CNTNAP2: variants seen among roughly 807,000 people sequenced by gnomAD.
CNTNAP2 encodes the protein contactin associated protein 2.
A neutral mutation model predicts 155.2 loss-of-function variants in CNTNAP2; 98 were observed. That is an observed-to-expected ratio of 0.63 (90% CI 0.54 to 0.75). The LOEUF (loss-of-function observed/expected upper bound fraction) is 0.75, where lower values mean the gene tolerates loss of function less well. CNTNAP2 is among the 30% of genes least tolerant of loss of function. The pLI is 0.00. For missense variants in CNTNAP2, 1,727 were observed against 1,688.1 expected (o/e 1.02, Z -0.40); for synonymous variants, 651 against 631.2 (o/e 1.03, Z -0.47).
At chr7:148,147,394 T>C in intron 16 of CNTNAP2, 97 bp from the exon 17 acceptor site, 1 of 1,208,380 alleles carries the variant, frequency 8.3e-7, no homozygotes. Context: ...GCTTAGATGA[T>C]TTTTCCTCTC....
At chr7:147,015,807 C>T (rs375537461) in intron 3 of CNTNAP2, among the ~76,000 whole-genome samples, 9 of 152,150 alleles carry the variant, frequency 5.9e-5, no homozygotes, top group African/African-American at 1.9e-4. Context: ...CACCATCAAA[C>T]TTATATTCTA....
At chr7:147,399,824 A>G (rs1409281458) in intron 10 of CNTNAP2, among the ~76,000 whole-genome samples, 1 of 152,112 alleles carries the variant, frequency 6.6e-6, no homozygotes, top group Non-Finnish European at 1.5e-5. Flanking sequence ...GCAATCATAG[A>G]ACTGGAAGGG....
chr7:146,474,249 T>A (rs181498106), intron 1 of CNTNAP2, among the ~76,000 whole-genome samples: 2 of 149,944 alleles, frequency 1.3e-5, no homozygotes, highest in African/African-American at 4.9e-5. Context: ...CCAAATAAAC[T>A]ATTTGTTTCT....
intron 8 of CNTNAP2, among the ~76,000 whole-genome samples, chr7:147,182,405 T>G (rs554218067): frequency 6.6e-6 from 1 of 152,258 alleles, no homozygotes; most frequent in East Asian, 1.9e-4. Context: ...TTACATTACC[T>G]AAAAATAAGA....
At chr7:146,616,235 A>T (rs1315937450) in intron 1 of CNTNAP2, among the ~76,000 whole-genome samples, 1 of 152,190 alleles carries the variant, frequency 6.6e-6, no homozygotes. Flanking sequence ...AAATGTGAGC[A>T]AAGCAAAGGA....
At position 147,410,836 on chromosome 7, in the gene CNTNAP2, A is replaced by AT. The variant is rs573145237; in HGVS notation, c.1670+15060dup. 2.3e-3 allele frequency among the ~76,000 whole-genome samples: 354 copies of AT among 152,320 alleles called. 5 individuals are homozygous for AT. The highest frequency in any genetic ancestry group is 7.7e-3 in the African/African-American group (320 of 41,568). ...TTAATATTATTGTCACCTCCATAAG[A>AT]TTTTAAGCTACATATGGCATGTGGC... On this transcript the variant is annotated intron_variant, in intron 10 of 23. Transcript: ENST00000361727.
At chr7:147,918,808 A>T (rs2116776078) in intron 14 of CNTNAP2, among the ~76,000 whole-genome samples, 1 of 152,298 alleles carries the variant, frequency 6.6e-6, no homozygotes, top group Admixed American at 6.5e-5. Flanking sequence ...AGCCCTGGGA[A>T]TGGTGTGTCT....
intron 5 of CNTNAP2, among the ~76,000 whole-genome samples, chr7:147,114,291 C>G (rs1395298742): frequency 6.6e-6 from 1 of 151,972 alleles, no homozygotes; most frequent in East Asian, 1.9e-4. Flanking sequence ...ATTCTGTTGT[C>G]TTGGGATGGA....
intron 12 of CNTNAP2, among the ~76,000 whole-genome samples, chr7:147,631,734 G>T (rs772064991): frequency 2.0e-5 from 3 of 152,086 alleles, no homozygotes; most frequent in Non-Finnish European, 4.4e-5. Flanking sequence ...GTGGGGAAAG[G>T]ATACCCTATT....
rs117511465 is a variant in CNTNAP2, at chr7:146,942,025, T to C, written c.403-101882T>C. The stretch of plus-strand genomic sequence containing the variant: ...GAACTTTGACCTTCCTGTACCTGGA[T>C]ATTTTTATCTTTTCCTGAGTTTGGA... On this transcript the variant is annotated intron_variant, in intron 3 of 23. Transcript: ENST00000361727. 1.2e-4 allele frequency among the ~76,000 whole-genome samples: 19 copies of C among 152,238 alleles called. No homozygotes were observed. In the East Asian group the frequency reaches 3.5e-3, roughly 28 times the overall value.
At chr7:147,463,958 T>TGA (rs774709661) in intron 10 of CNTNAP2, among the ~76,000 whole-genome samples, 1 of 82,968 alleles carries the variant, frequency 1.2e-5, no homozygotes, top group Non-Finnish European at 2.2e-5. Flanking sequence ...GCCCCACTAC[T>TGA]AAAAAAAAAA....
At chr7:148,113,843 C>A (rs1804406996) in intron 15 of CNTNAP2, among the ~76,000 whole-genome samples, 1 of 152,218 alleles carries the variant, frequency 6.6e-6, no homozygotes, top group Non-Finnish European at 1.5e-5. Context: ...CAGCCCCGGG[C>A]TGGGTCTCCA....
At chr7:148,328,575 T>C (rs1287804685) in intron 21 of CNTNAP2, among the ~76,000 whole-genome samples, 1 of 152,096 alleles carries the variant, frequency 6.6e-6, no homozygotes, top group Non-Finnish European at 1.5e-5. Context: ...GGAACCAGCA[T>C]TGAGGTTCAC....
chr7:146,465,397 C>T (rs1436083451), intron 1 of CNTNAP2, among the ~76,000 whole-genome samples: 2 of 152,134 alleles, frequency 1.3e-5, no homozygotes, highest in Admixed American at 1.3e-4. Flanking sequence ...GAAACCTACC[C>T]AGCTGTGGGT....
chr7:148,287,919 G>A lies in CNTNAP2; in HGVS notation c.3475+20793G>A, dbSNP rs567768438. 4.0e-5 allele frequency among the ~76,000 whole-genome samples: 6 copies of A among 150,602 alleles called. No homozygotes were observed. In the South Asian group the frequency reaches 1.3e-3, roughly 32 times the overall value. ...TGATTCTCCTACTTCAGCCTCCGGA[G>A]TAGCTGGGATTACAGGCACGTGCCA... is the stretch of plus-strand genomic sequence containing the variant. On this transcript the variant is annotated intron_variant, in intron 21 of 23. Transcript: ENST00000361727.
In CNTNAP2 at chr7:146,528,179, C is replaced by G. The variant is rs544519684; in HGVS notation, c.98-246092C>G. On this transcript the variant is annotated intron_variant, in intron 1 of 23. Coordinates refer to ENST00000361727, the MANE Select transcript of CNTNAP2 (RefSeq NM_014141.6). ...AAGTAGGGTAGTGGCTTAGAGAAAT[C>G]CACCCTGGAGAAGACATGAACAGAA... is the stretch of plus-strand genomic sequence containing the variant. Among the ~76,000 whole-genome samples the G allele has an allele frequency of 7.9e-5, 12 of 152,124 alleles. 1 individual carries two copies. The Middle Eastern group carries it at 0.017, about 216-fold the overall frequency.
chr7:147,660,521 A>G (rs28472780), intron 13 of CNTNAP2, among the ~76,000 whole-genome samples: 10,757 of 152,264 alleles, frequency 0.071, 632 homozygotes, highest in African/African-American at 0.16. Context: ...TTTGTTTTCT[A>G]ACTAAATTTT....
rs553832963 is a variant in CNTNAP2, at chr7:146,205,422, A to AT, written c.97+88457dup. 5.9e-5 allele frequency among the ~76,000 whole-genome samples: 9 copies of AT among 151,978 alleles called. No individual in the cohort carries two copies. The East Asian group carries it at 9.7e-4, about 16-fold the overall frequency. On this transcript the variant is annotated intron_variant, in intron 1 of 23. Transcript: ENST00000361727. ...ATTGGAAACTAAAATAAGTCAGTGG[A>AT]TTTTTTTTAAAAATGTGTAAGTATG...
intron 13 of CNTNAP2, among the ~76,000 whole-genome samples, chr7:147,886,011 A>T (rs1307651536): frequency 2.0e-5 from 3 of 152,218 alleles, no homozygotes; most frequent in Non-Finnish European, 4.4e-5. Flanking sequence ...TCTTCAAATC[A>T]CGTTGCCTAG....
Sources: gnomAD v4.1 joint callset for allele counts (sites outside exome capture counted in the v4.1 genomes callset) on GRCh38, gnomAD v4.1.1 for gene constraint, MANE v1.5 for transcripts, NCBI Gene and HGNC (gene_info 2026-07-23, HGNC 2026-07-21) for gene names.